TPCN2: variants seen among roughly 807,000 people sequenced by gnomAD.
The protein encoded by TPCN2 is two pore segment channel 2.
In TPCN2, 92 loss-of-function variants were observed where a neutral mutation model predicts 111.4. The observed-to-expected ratio is 0.83, with a 90% CI of 0.70 to 0.98. TPCN2 has a LOEUF of 0.98. Among genes scored for constraint, TPCN2 ranks in the 50% least tolerant of loss-of-function variants. The pLI is 0.00. For missense variants in TPCN2, 995 were observed against 980.1 expected, an observed-to-expected ratio of 1.02 and a Z score of -0.20; for synonymous variants, 405 against 414.5, an observed-to-expected ratio of 0.98 and a Z score of 0.28.
At chr11:69,057,970 C>T (rs1236701731) in intron 5 of TPCN2, among the ~76,000 whole-genome samples, 3 of 152,238 alleles carry the variant, frequency 2.0e-5, no homozygotes, top group Non-Finnish European at 4.4e-5. Flanking sequence ...AAGACTTCTG[C>T]CTCCCGGCTC....
intron 10 of TPCN2, 85 bp downstream of exon 10, chr11:69,071,505 C>T: frequency 8.0e-7 from 1 of 1,255,944 alleles, no homozygotes; most frequent in Non-Finnish European, 1.1e-6. Flanking sequence ...GCTGGGTGAC[C>T]CTTGCTGGCC....
At chr11:69,072,783 A>T in intron 12 of TPCN2, 75 bp downstream of exon 12, 1 of 1,581,950 alleles carries the variant, frequency 6.3e-7, no homozygotes, top group African/African-American at 1.3e-5. Context: ...CCTTTTCAGG[A>T]CTAGGGGTGT....
In TPCN2 at chr11:69,089,250, A is replaced by G. The variant is rs549022333; in HGVS notation, c.*1297A>G. 11 of 152,284 alleles carry G rather than the reference A, an allele frequency of 7.2e-5. No homozygotes were observed. Among genetic ancestry groups the G allele is most frequent in the Admixed American group, 2.0e-4 (3 of 15,298 alleles). The allele number at this position is 152,284 out of a possible 1,614,324, so 9.4% of individuals were successfully genotyped here. ...TTTTTACTCGTGTTGAATAATAACA[A>G]TAACAATAACAATAACAATATGGAA... On this transcript the variant is annotated 3_prime_UTR_variant, in exon 25 of 25. Transcript: ENST00000294309.
chr11:69,052,940 A>G (rs765520008), intron 1 of TPCN2, among the ~76,000 whole-genome samples: 37 of 152,166 alleles, frequency 2.4e-4, no homozygotes, highest in Non-Finnish European at 5.0e-4. Flanking sequence ...CGGGCTCCTC[A>G]GTTGCTTCGG....
intron 16 of TPCN2, 46 bp downstream of exon 16, chr11:69,079,066 G>T: frequency 1.3e-6 from 2 of 1,569,700 alleles, no homozygotes. Flanking sequence ...GCGGGTGGGT[G>T]AGCGCCACCT....
chr11:69,089,917 T>A lies in TPCN2; in HGVS notation c.*1964T>A, dbSNP rs1470925667. ...GGAGCCCCTTCTTCTGCCTTTTGTG[T>A]TTTTTTTGTTATGTACCTACAGTTC... On this transcript the variant is annotated 3_prime_UTR_variant, in exon 25 of 25. Transcript: ENST00000294309. The A allele has an allele frequency of 4.0e-5, 2 of 49,976 alleles. No individual in the cohort carries two copies. Among genetic ancestry groups the A allele is most frequent in the Non-Finnish European group, 6.0e-5 (1 of 16,804 alleles). The allele number at this position is 49,976 out of a possible 1,614,324, so 3.1% of individuals were successfully genotyped here.
intron 5 of TPCN2, among the ~76,000 whole-genome samples, chr11:69,061,314 G>A (rs903438817): frequency 2.0e-5 from 3 of 151,704 alleles, no homozygotes; most frequent in African/African-American, 7.2e-5. Flanking sequence ...GGGCTGGACT[G>A]ACTGGCTGGG....
chr11:69,083,651 G>T (rs1021455454), intron 18 of TPCN2, among the ~76,000 whole-genome samples: 2 of 152,226 alleles, frequency 1.3e-5, no homozygotes, highest in East Asian at 3.9e-4. Flanking sequence ...GTTGGGATGC[G>T]GGAGTGGGTG....
intron 2 of TPCN2, 26 bp downstream of exon 2, chr11:69,054,123 C>G: frequency 6.2e-7 from 1 of 1,607,066 alleles, no homozygotes; most frequent in Non-Finnish European, 8.5e-7. Flanking sequence ...TCCCTGTGGC[C>G]GGGCCTGGGG....
chr11:69,080,161 G>C (rs2134623488), intron 17 of TPCN2, among the ~76,000 whole-genome samples: 1 of 152,336 alleles, frequency 6.6e-6, no homozygotes, highest in South Asian at 2.1e-4. Context: ...GCGGCAGTGG[G>C]CTCCCCCTCC....
At chr11:69,078,402 T>C in intron 13 of TPCN2, 80 bp from the exon 14 acceptor site, 12 of 1,573,956 alleles carry the variant, frequency 7.6e-6, no homozygotes, top group Non-Finnish European at 1.0e-5. Context: ...AATCCCAGAA[T>C]AAGAGGGTGT....
chr11:69,049,017 A>G lies in TPCN2; in HGVS notation c.20A>G (p.Glu7Gly). The G allele has an allele frequency of 2.4e-6, 3 of 1,240,170 alleles. No homozygotes were observed. The highest frequency in any genetic ancestry group is 3.0e-6 in the Non-Finnish European group (3 of 988,086). The allele number at this position is 1,240,170 out of a possible 1,614,324, so 76.8% of individuals were successfully genotyped here. A position where few individuals can be genotyped will look rare whatever the true frequency, so the allele number is the denominator to read the frequency against. MAEPQA[E>G]SEPLLGGARG... ...TGCTGGATGGCGGAACCCCAGGCGG[A>G]GTCGGAGCCCCTGCTGGGCGGGGCC... The change falls in exon 1 of 25, where the codon GAG becomes GGG. Residue 7 changes from glutamate (E) to glycine (G), a missense_variant. Coordinates refer to ENST00000294309, the MANE Select transcript of TPCN2 (RefSeq NM_139075.4).
intron 8 of TPCN2, among the ~76,000 whole-genome samples, chr11:69,070,149 C>T (rs540721907): frequency 1.3e-5 from 2 of 152,018 alleles, no homozygotes; most frequent in Non-Finnish European, 2.9e-5. Flanking sequence ...CTCAGCCTCC[C>T]GAGTAGCTGG....
rs369179304 is a variant in TPCN2 at position 69,067,631 on chromosome 11, G to A, written c.829+26G>A. On this transcript the variant is annotated intron_variant, in intron 8 of 24. Transcript: ENST00000294309. ...GTGCGTGCAGGGCCAGGGAGGGACC[G>A]TGGGGGTCGGTGAGCCCAGCACTGG... 5.8e-5 allele frequency: 93 copies of A among 1,609,260 alleles called. No homozygotes were observed. In the Middle Eastern group the frequency reaches 1.2e-3, roughly 20 times the overall value.
At chr11:69,074,340 G>A (rs545719249) in intron 13 of TPCN2, among the ~76,000 whole-genome samples, 2 of 152,380 alleles carry the variant, frequency 1.3e-5, no homozygotes, top group African/African-American at 4.8e-5. Flanking sequence ...GGGCATATGG[G>A]CGATGAGTGT....
chr11:69,052,230 T>G (rs1861258005), intron 1 of TPCN2, among the ~76,000 whole-genome samples: 1 of 152,080 alleles, frequency 6.6e-6, no homozygotes, highest in African/African-American at 2.4e-5. Flanking sequence ...CTAAGAAGCT[T>G]GTATCACTAG....
intron 17 of TPCN2, 108 bp from the exon 18 acceptor site, chr11:69,081,292 G>T: frequency 2.9e-6 from 2 of 683,522 alleles, no homozygotes; most frequent in Non-Finnish European, 5.0e-6. Context: ...CTCCCGTCAT[G>T]CCCTGTTGCC....
intron 1 of TPCN2, 136 bp downstream of exon 1, chr11:69,049,242 C>T (rs1016011389): frequency 1.7e-5 from 9 of 522,986 alleles, no homozygotes; most frequent in South Asian, 1.0e-4. Context: ...CCGGGCCGCG[C>T]CGGGTGCCAG....
chr11:69,086,545 T>C lies in TPCN2; in HGVS notation c.2026T>C (p.Leu676=), dbSNP rs376973408. ...SGPWSKIYFV[L]WWLVSSVIWV... ...CAGGTGGTCCAAGATCTATTTTGTA[T>C]TGTGGTGGCTGGTGTCGTCTGTCAT... The change falls in exon 23 of 25, where the codon TTG becomes CTG. Residue 676 remains leucine, a synonymous_variant. Transcript: ENST00000294309. 5.5e-5 allele frequency: 89 copies of C among 1,613,964 alleles called. No homozygotes were observed. Among genetic ancestry groups the C allele is most frequent in the Non-Finnish European group, 7.2e-5 (85 of 1,179,960 alleles).
Sources: allele counts gnomAD v4.1 joint callset (sites outside exome capture counted in the v4.1 genomes callset), GRCh38; gene constraint gnomAD v4.1.1; transcripts MANE v1.5; gene names NCBI Gene and HGNC (gene_info 2026-07-23, HGNC 2026-07-21).